SDR42E1: variants seen among roughly 807,000 people sequenced by gnomAD.
The protein encoded by SDR42E1 is short chain dehydrogenase/reductase family 42E, member 1, also known as short-chain dehydrogenase/reductase family 42E member 1.
Under a neutral mutation model 2.6 loss-of-function variants are expected in SDR42E1, and 5 were observed. The observed-to-expected ratio is 1.94, with a 90% confidence interval of 1.01 to 4.08. SDR42E1 has a LOEUF of 4.08. Ranked by LOEUF, SDR42E1 falls within the 30% of genes most tolerant of loss-of-function variation. SDR42E1 has a pLI of 0.00. For missense variants in SDR42E1, 596 were observed against 478.6 expected (o/e 1.25, Z -2.29); for synonymous variants, 231 against 188.3 (o/e 1.23, Z -1.86).
In SDR42E1 at chr16:81,992,719, C is replaced by T. The variant is rs1254161549; in HGVS notation, c.*6392G>A. ...GATAAATCCCCTGTTGGTTGAAAGA[C>T]ACTTGCCTGGATCACTTTGCTACAT... On this transcript the variant is annotated 3_prime_UTR_variant, in exon 3 of 3. Coordinates refer to ENST00000328945, the MANE Select transcript of SDR42E1 (RefSeq NM_145168.3). 2 of 152,114 alleles carry T rather than the reference C, an allele frequency of 1.3e-5. No individual in the cohort carries two copies. Among genetic ancestry groups the T allele is most frequent in the African/African-American group, 4.8e-5 (2 of 41,446 alleles). 9.4% of individuals were successfully genotyped at this position (152,114 alleles called of 1,614,324 possible).
At chr16:82,003,031 T>C (rs1912818719) in intron 1 of SDR42E1, among the ~76,000 whole-genome samples, 1 of 152,180 alleles carries the variant, frequency 6.6e-6, no homozygotes, top group Non-Finnish European at 1.5e-5. Flanking sequence ...GTATTAAGAC[T>C]GCCAATGAAG....
At position 81,999,469 on chromosome 16, in the gene SDR42E1, T is replaced by C. The variant is rs186818358; in HGVS notation, c.824A>G (p.Tyr275Cys). 2 of 1,614,168 alleles carry C rather than the reference T, an allele frequency of 1.2e-6. No individual in the cohort carries two copies. Among genetic ancestry groups the C allele is most frequent in the Admixed American group, 3.3e-5 (2 of 60,032 alleles). The change falls in exon 3 of 3, where the codon TAC becomes TGC. Residue 275 changes from tyrosine to cysteine, a missense_variant. Transcript: ENST00000328945. ...TGGCAGGCGGGTAGACGGGAATGTG[T>C]AGCCCAGGCCCTCAACCAGAGGCCG... is the stretch of plus-strand genomic sequence containing the variant. ...FFRPLVEGLG[Y>C]TFPSTRLPLT...
Position 82,006,493 on chromosome 16 carries a change from CAT to C in SDR42E1, c.-27+4892_-27+4893del, listed in dbSNP as rs1243076795. On this transcript the variant is annotated intron_variant, in intron 1 of 2. Transcript: ENST00000328945. Reference sequence around the variant, plus strand: ...TCTGATACAGATAAAAGAGATGTGACATATAAAATTCAAAAGGGGCTGGGTGC... The same window carrying C: ...TCTGATACAGATAAAAGAGATGTGACATAAAATTCAAAAGGGGCTGGGTGC... Among the ~76,000 whole-genome samples, 5 of 152,102 alleles carry C rather than the reference CAT, an allele frequency of 3.3e-5. No individual in the cohort carries two copies. The East Asian group carries it at 5.8e-4, about 18-fold the overall frequency.
rs1912550084 is a variant in SDR42E1 at position 81,996,772 on chromosome 16, T to C, written c.*2339A>G. 6.6e-6 allele frequency: 1 copy of C among 152,000 alleles called. No individual in the cohort carries two copies. The highest frequency in any genetic ancestry group is 1.5e-5 in the Non-Finnish European group (1 of 68,016). The allele number at this position is 152,000 out of a possible 1,614,324, so 9.4% of individuals were successfully genotyped here. On this transcript the variant is annotated 3_prime_UTR_variant, in exon 3 of 3. Coordinates refer to ENST00000328945, the MANE Select transcript of SDR42E1 (RefSeq NM_145168.3). ...CTGGAGTGGGAGACAGTAACAGAAT[T>C]GGGGAGATATGGAAGCAGGAATGTG...
At position 82,000,230 on chromosome 16, in the gene SDR42E1, A is replaced by G; in HGVS notation, c.69-6T>C. 6.2e-7 allele frequency: 1 copy of G among 1,603,260 alleles called. No homozygotes were observed. Among genetic ancestry groups the G allele is most frequent in the East Asian group, 2.2e-5 (1 of 44,788 alleles). On this transcript the variant is annotated splice_polypyrimidine_tract_variant and splice_region_variant and intron_variant, in intron 2 of 2. Coordinates refer to ENST00000328945, the MANE Select transcript of SDR42E1 (RefSeq NM_145168.3). Reference sequence around the variant, plus strand: ...GGTTCAGGGCACAGCCCAGGCTGAAATAAGAAACAGTAAACGTTGAATCAA... The same window carrying G: ...GGTTCAGGGCACAGCCCAGGCTGAAGTAAGAAACAGTAAACGTTGAATCAA...
chr16:82,009,779 T>C (rs563958689), intron 1 of SDR42E1, among the ~76,000 whole-genome samples: 41 of 152,298 alleles, frequency 2.7e-4, no homozygotes, highest in African/African-American at 9.6e-4. Context: ...GGTTTTGAAA[T>C]GTGAGGGCAT....
In SDR42E1 at chr16:82,000,818, G is replaced by A. The variant is rs202119649; in HGVS notation, c.41C>T (p.Thr14Ile). The A allele has an allele frequency of 6.8e-5, 109 of 1,613,596 alleles. No individual in the cohort carries two copies. Among genetic ancestry groups the A allele is most frequent in the Non-Finnish European group, 6.0e-5 (71 of 1,179,818 alleles). The stretch of plus-strand genomic sequence containing the variant: ...AAAACCAAAATAGCCACTTCCTCCT[G>A]TAATGAGGACACTTTCCTTTTGAGA... Reference protein sequence around the residue: ...KRSQKESVLITGGSGYFGFRL... With the variant: ...KRSQKESVLIIGGSGYFGFRL... The change falls in exon 2 of 3, where the codon ACA becomes ATA. Residue 14 changes from threonine (T) to isoleucine (I), a missense_variant. Coordinates refer to ENST00000328945, the MANE Select transcript of SDR42E1 (RefSeq NM_145168.3).
intron 1 of SDR42E1, among the ~76,000 whole-genome samples, chr16:82,006,346 G>C (rs1912934087): frequency 6.6e-6 from 1 of 152,166 alleles, no homozygotes; most frequent in Admixed American, 6.5e-5. Context: ...TCATGCTAGA[G>C]GGCTTACGAA....
intron 1 of SDR42E1, 86 bp from the exon 2 acceptor site, chr16:82,000,970 A>G (rs1457199474): frequency 7.3e-6 from 6 of 820,724 alleles, no homozygotes; most frequent in Non-Finnish European, 1.2e-5. Context: ...ACAAAAAGTC[A>G]ATACGCTGTA....
rs534021331 is a variant in SDR42E1 at position 81,994,160 on chromosome 16, C to A, written c.*4951G>T. The A allele has an allele frequency of 6.6e-6, 1 of 152,166 alleles. No homozygotes were observed. Among genetic ancestry groups the A allele is most frequent in the African/African-American group, 2.4e-5 (1 of 41,426 alleles). 9.4% of individuals were successfully genotyped at this position (152,166 alleles called of 1,614,324 possible). ...TGAACTGAAGACTCACGTGAGAGGA[C>A]GATCTGGAATGATGAGCGTCCCGCA... On this transcript the variant is annotated 3_prime_UTR_variant, in exon 3 of 3. Coordinates refer to ENST00000328945, the MANE Select transcript of SDR42E1 (RefSeq NM_145168.3).
intron 1 of SDR42E1, 69 bp from the exon 2 acceptor site, chr16:82,000,953 A>G: frequency 1.9e-6 from 2 of 1,045,592 alleles, no homozygotes; most frequent in Non-Finnish European, 2.9e-6. Context: ...ATTTTGACCT[A>G]ACAAAAACAA....
chr16:82,002,240 A>T (rs573252215), intron 1 of SDR42E1, among the ~76,000 whole-genome samples: 2 of 152,204 alleles, frequency 1.3e-5, no homozygotes, highest in Admixed American at 1.3e-4. Context: ...GTCAGTGTAC[A>T]TGCACAAAGA....
chr16:81,999,311 C>A lies in SDR42E1; in HGVS notation c.982G>T (p.Glu328Ter), dbSNP rs766621451. The A allele has an allele frequency of 6.2e-7, 1 of 1,614,204 alleles. No homozygotes were observed. The change falls in exon 3 of 3, where the codon GAG becomes TAG. Residue 328 changes from glutamate (E) to a stop codon, truncating the protein, a stop_gained. Coordinates refer to ENST00000328945, the MANE Select transcript of SDR42E1 (RefSeq NM_145168.3). LOFTEE classifies it low-confidence loss of function (END_TRUNC). ...KTGVTHYFSLEKAKKELGYKA... is the reference protein window; with the variant it reads ...KTGVTHYFSL Reference sequence around the variant, plus strand: ...TAACCTAGCTCTTTCTTGGCTTTCTCTAAGCTAAAATAATGTGTGACACCA... The same window carrying A: ...TAACCTAGCTCTTTCTTGGCTTTCTATAAGCTAAAATAATGTGTGACACCA...
At chr16:82,001,250 A>T (rs751358732) in intron 1 of SDR42E1, among the ~76,000 whole-genome samples, 8 of 152,202 alleles carry the variant, frequency 5.3e-5, no homozygotes, top group Non-Finnish European at 8.8e-5. Flanking sequence ...CAAATTTGGT[A>T]GGAAGAGGCA....
rs1169393930 is a variant in SDR42E1, at chr16:81,998,644, C to A, written c.*467G>T. On this transcript the variant is annotated 3_prime_UTR_variant, in exon 3 of 3. Transcript: ENST00000328945. ...CTAATGCCTCTCCAGCAATAGCCAC[C>A]ATCCCCTCGAGGATTGCTCTGTTAG... 1 of 164,002 alleles carries A rather than the reference C, an allele frequency of 6.1e-6. No homozygotes were observed. The highest frequency in any genetic ancestry group is 2.4e-5 in the African/African-American group (1 of 41,544). 10.2% of individuals were successfully genotyped at this position (164,002 alleles called of 1,614,324 possible). A position where few individuals can be genotyped will look rare whatever the true frequency, so the allele number is the denominator to read the frequency against.
chr16:82,004,523 C>A (rs1007906771), intron 1 of SDR42E1, among the ~76,000 whole-genome samples: 3 of 152,216 alleles, frequency 2.0e-5, no homozygotes, highest in African/African-American at 7.2e-5. Flanking sequence ...CTCTTTGAGA[C>A]AAGGTCTCAC....
chr16:82,003,936 G>A (rs1374059520), intron 1 of SDR42E1, among the ~76,000 whole-genome samples: 2 of 152,110 alleles, frequency 1.3e-5, no homozygotes, highest in Non-Finnish European at 2.9e-5. Flanking sequence ...ATTGTGATGG[G>A]CACAAATTAC....
chr16:81,999,802 A>G lies in SDR42E1; in HGVS notation c.491T>C (p.Leu164Pro). Reference sequence around the variant, plus strand: ...GTCCAGGGGTGTAGCATTCGCCTCCAGCACCTTCTGCTCTGCAATTGACTT... The same window carrying G: ...GTCCAGGGGTGTAGCATTCGCCTCCGGCACCTTCTGCTCTGCAATTGACTT... ...RTKSIAEQKV[L>P]EANATPLDRG... is the part of the protein sequence containing the mutation. The change falls in exon 3 of 3, where the codon CTG (leucine) becomes CCG (proline). Residue 164 changes from leucine (L) to proline (P), a missense_variant. Transcript: ENST00000328945. 1 of 1,614,212 alleles carries G rather than the reference A, an allele frequency of 6.2e-7. No homozygotes were observed. Among genetic ancestry groups the G allele is most frequent in the African/African-American group, 1.3e-5 (1 of 75,068 alleles).
intron 1 of SDR42E1, among the ~76,000 whole-genome samples, chr16:82,001,639 A>G (rs140949966): frequency 0.051 from 7,687 of 152,110 alleles, 551 homozygotes; most frequent in African/African-American, 0.16. Flanking sequence ...ACGGTGGCTC[A>G]CACTTGTAAT....
Sources: gnomAD v4.1 joint callset for allele counts (sites outside exome capture counted in the v4.1 genomes callset) on GRCh38, gnomAD v4.1.1 for gene constraint, MANE v1.5 for transcripts, NCBI Gene and HGNC (gene_info 2026-07-23, HGNC 2026-07-21) for gene names.